Variants in LAMA5 observed in about 807,000 individuals in gnomAD.
LAMA5 encodes laminin subunit alpha-5.
LAMA5 carries 260 observed loss-of-function variants against 433.4 expected under a neutral mutation model. The observed-to-expected ratio is 0.60, with a 90% confidence interval of 0.54 to 0.66. The LOEUF is 0.66. LAMA5 is among the 30% of genes least tolerant of loss of function. The pLI is 0.00. For synonymous variants in LAMA5, 2,620 were observed against 2,226.6 expected, an observed-to-expected ratio of 1.18 and a Z score of -4.97; for missense variants, 5,378 against 5,258.5, an observed-to-expected ratio of 1.02 and a Z score of -0.70.
intron 67 of LAMA5, 41 bp downstream of exon 67, chr20:62,312,591 A>G (rs1986424787): frequency 1.2e-6 from 2 of 1,600,230 alleles, no homozygotes; most frequent in Non-Finnish European, 1.7e-6. Context: ...CTACCGCCCC[A>G]ACAGCCTGGC....
chr20:62,324,450 G>T lies in LAMA5; in HGVS notation c.5634C>A (p.Gly1878=), dbSNP rs143810549. ...GHSDRCLPGS[G]VCVDCQHNTE... is the part of the protein sequence containing the mutation. ...ACCAGCCCCTACTCACCACACAGAC[G>T]CCAGAGCCAGGGAGGCAGCGGTCTG... The change falls in exon 42 of 80, where the codon GGC becomes GGA. Residue 1878 remains glycine, a synonymous_variant. Transcript: ENST00000252999. The surrounding 1 kb of genome is among the most constrained non-coding windows in gnomAD (Gnocchi z 4.4). 2.5e-6 allele frequency: 4 copies of T among 1,610,706 alleles called. No homozygotes were observed. The highest frequency in any genetic ancestry group is 2.7e-5 in the African/African-American group (2 of 74,986).
rs574153553 is a variant in LAMA5, at chr20:62,336,353, G to A, written c.2310C>T (p.Pro770=). 51 of 1,610,642 alleles carry A rather than the reference G, an allele frequency of 3.2e-5. No homozygotes were observed. The highest frequency in any genetic ancestry group is 1.7e-4 in the Middle Eastern group (1 of 6,046). ...GGGCACACTCACGGGTACAGCCCTC[G>A]GGGTTGCTGGGGCTCAGTCCCCAGA... is the stretch of plus-strand genomic sequence containing the variant. ...PGFWGLSPSN[P]EGCTRCSCDL... is the part of the protein sequence containing the mutation. The change falls in exon 18 of 80, where the codon CCC becomes CCT. Residue 770 remains proline (P), a synonymous_variant. Coordinates refer to ENST00000252999, the MANE Select transcript of LAMA5 (RefSeq NM_005560.6).
chr20:62,338,013 C>T lies in LAMA5; in HGVS notation c.1891+3G>A. Reference sequence around the variant, plus strand: ...CCCCTTCCTGCCCTGACCCTCTGCTCACCTTGGCAGTTGGGGAAACCATGG... The same window carrying T: ...CCCCTTCCTGCCCTGACCCTCTGCTTACCTTGGCAGTTGGGGAAACCATGG... On this transcript the variant is annotated splice_donor_region_variant and intron_variant, in intron 14 of 79. Coordinates refer to ENST00000252999, the MANE Select transcript of LAMA5 (RefSeq NM_005560.6). 1 of 1,595,530 alleles carries T rather than the reference C, an allele frequency of 6.3e-7. No individual in the cohort carries two copies. Among genetic ancestry groups the T allele is most frequent in the Non-Finnish European group, 8.6e-7 (1 of 1,168,924 alleles).
intron 20 of LAMA5, 129 bp from the exon 21 acceptor site, chr20:62,334,750 G>GCTCAGGA: frequency 1.3e-6 from 1 of 764,012 alleles, no homozygotes; most frequent in Non-Finnish European, 2.0e-6. Context: ...AGGGCTCAGG[G>GCTCAGGA]CTCAGGGCGA....
Position 62,313,183 on chromosome 20 carries a change from T to C in LAMA5, c.8860A>G (p.Ile2954Val), listed in dbSNP as rs1465991206. ...SYLDGTGFAR[I>V]SFDSQISTTK... Reference sequence around the variant, plus strand: ...GTGCTGATCTGACTGTCGAAGCTGATGCGGGCGAAGCCGGTGCCGTCCAGG... The same window carrying C: ...GTGCTGATCTGACTGTCGAAGCTGACGCGGGCGAAGCCGGTGCCGTCCAGG... The change falls in exon 65 of 80, where the codon ATC becomes GTC. Residue 2954 changes from isoleucine to valine, a missense_variant. By Grantham distance (29) the Ile-to-Val change is conservative (BLOSUM62 3). Transcript: ENST00000252999. 6.3e-7 allele frequency: 1 copy of C among 1,575,114 alleles called. No homozygotes were observed. The highest frequency in any genetic ancestry group is 8.6e-7 in the Non-Finnish European group (1 of 1,164,950).
intron 2 of LAMA5, chr20:62,355,454 T>C (rs1377112638): frequency 6.6e-6 from 1 of 152,328 alleles, no homozygotes; most frequent in African/African-American, 2.4e-5. Context: ...CTTCAGCCCT[T>C]GGGGGCACCA....
chr20:62,331,951 C>G (rs1358243645), intron 28 of LAMA5, among the ~76,000 whole-genome samples: 1 of 151,866 alleles, frequency 6.6e-6, no homozygotes, highest in Admixed American at 6.6e-5. Flanking sequence ...ACTTGGGAGA[C>G]TGAGGCACGA....
chr20:62,351,659 G>C (rs751930002), intron 6 of LAMA5, 45 bp downstream of exon 6: 1 of 1,576,266 alleles, frequency 6.3e-7, no homozygotes, highest in Non-Finnish European at 8.6e-7. Context: ...CAGGGAGCTG[G>C]GGGGGGCCTC....
At chr20:62,339,861 G>A (rs1024827728) in intron 11 of LAMA5, among the ~76,000 whole-genome samples, 2 of 152,222 alleles carry the variant, frequency 1.3e-5, no homozygotes, top group East Asian at 1.9e-4. Context: ...AGGCAAGGAC[G>A]ATCGTGGGGC....
At chr20:62,335,998 GCA>G (rs996682261) in intron 18 of LAMA5, among the ~76,000 whole-genome samples, 1 of 142,604 alleles carries the variant, frequency 7.0e-6, no homozygotes, top group African/African-American at 2.7e-5. Context: ...TCCCTCCAGG[GCA>G]CACTCACAGG....
At chr20:62,339,527 A>G (rs971594110) in intron 11 of LAMA5, among the ~76,000 whole-genome samples, 4 of 152,180 alleles carry the variant, frequency 2.6e-5, no homozygotes, top group African/African-American at 9.7e-5. Flanking sequence ...TAGTTTCTTT[A>G]GAAACAATGT....
intron 32 of LAMA5, 114 bp downstream of exon 32, chr20:62,329,663 C>T: frequency 8.9e-6 from 12 of 1,353,542 alleles, no homozygotes; most frequent in Middle Eastern, 1.8e-4. Context: ...TTGCTGGGCA[C>T]AAGGCCAGGC....
chr20:62,339,437 T>C (rs1399852278), intron 11 of LAMA5, among the ~76,000 whole-genome samples: 6 of 151,900 alleles, frequency 3.9e-5, no homozygotes, highest in African/African-American at 1.5e-4. Context: ...GGGGTTTCAC[T>C]ATGTTAGCCA....
At chr20:62,364,587 A>G (rs1211837645) in intron 1 of LAMA5, among the ~76,000 whole-genome samples, 1 of 152,178 alleles carries the variant, frequency 6.6e-6, no homozygotes, top group Admixed American at 6.5e-5. Context: ...GAACAGAGCT[A>G]GGAAACAGCA....
At chr20:62,352,586 G>A (rs1984525997) in intron 3 of LAMA5, among the ~76,000 whole-genome samples, 1 of 151,416 alleles carries the variant, frequency 6.6e-6, no homozygotes, top group African/African-American at 2.4e-5. Context: ...GACCCCCCTC[G>A]ACGACCATCC....
intron 31 of LAMA5, 69 bp downstream of exon 31, chr20:62,330,419 C>T (rs770364169): frequency 3.1e-5 from 46 of 1,462,002 alleles, no homozygotes; most frequent in Middle Eastern, 2.3e-4. Flanking sequence ...GCACAGGCCA[C>T]GCTGTGGCGC....
intron 2 of LAMA5, among the ~76,000 whole-genome samples, chr20:62,357,204 G>A (rs950025655): frequency 2.6e-5 from 4 of 152,292 alleles, no homozygotes; most frequent in South Asian, 2.1e-4. Flanking sequence ...CCAGGTGCCC[G>A]CTGTGCTGGG....
rs1328700992 is a variant in LAMA5 at position 62,337,950 on chromosome 20, C to T, written c.1892-12G>A. ...GTCGCAGGTGCATGCTGCAGAGGGA[C>T]AATGGGGTCAGGCCCTGGCGCCATG... On this transcript the variant is annotated splice_polypyrimidine_tract_variant and intron_variant, in intron 14 of 79. Transcript: ENST00000252999. 3.7e-6 allele frequency: 6 copies of T among 1,605,632 alleles called. No individual in the cohort carries two copies. The highest frequency in any genetic ancestry group is 5.1e-6 in the Non-Finnish European group (6 of 1,176,240).
Position 62,346,202 on chromosome 20 carries a change from C to T in LAMA5, c.1296G>A (p.Glu432=). 6.2e-7 allele frequency: 1 copy of T among 1,611,888 alleles called. No homozygotes were observed. Among genetic ancestry groups the T allele is most frequent in the South Asian group, 1.1e-5 (1 of 90,848 alleles). ...SPHVCRRCNC[E]SDFTDGTCED... is the part of the protein sequence containing the mutation. ...CGCAGGTGCCATCCGTGAAGTCGGA[C>T]TCGCAGTTGCAGCCTGGGCAGGGGC... Residue 432 remains glutamate (E), a synonymous_variant, in exon 10 of 80, where the codon GAG becomes GAA. Transcript: ENST00000252999.
Sources: allele counts gnomAD v4.1 joint callset (sites outside exome capture counted in the v4.1 genomes callset), GRCh38; gene constraint gnomAD v4.1.1; non-coding constraint Gnocchi (gnomAD v3.1); transcripts MANE v1.5; gene names NCBI Gene and HGNC (gene_info 2026-07-23, HGNC 2026-07-21).